FAM168A: variants seen among roughly 807,000 people sequenced by gnomAD.
The protein encoded by FAM168A is protein FAM168A.
FAM168A carries 3 observed loss-of-function variants against 28.5 expected under a neutral mutation model. The ratio of observed to expected loss-of-function variants is 0.11; its 90% CI spans 0.05 to 0.27. The LOEUF is 0.27. Among genes scored for constraint, FAM168A ranks in the 10% least tolerant of loss-of-function variants. FAM168A has a pLI of 1.00. For missense variants in FAM168A, 222 were observed against 311.5 expected (o/e 0.71, Z 2.16); for synonymous variants, 122 against 124.2 (o/e 0.98, Z 0.12).
intron 1 of FAM168A, among the ~76,000 whole-genome samples, chr11:73,492,682 C>A (rs1762088410): frequency 6.6e-6 from 1 of 151,736 alleles, no homozygotes; most frequent in Non-Finnish European, 1.5e-5. Context: ...ATACTCTGCT[C>A]TGGATTATTC....
chr11:73,457,224 AT>A (rs113172303), intron 2 of FAM168A, among the ~76,000 whole-genome samples: 63 of 147,198 alleles, frequency 4.3e-4, no homozygotes, highest in East Asian at 3.2e-3. Context: ...CCCTTCTTTA[AT>A]TTTTTTTTTT....
At chr11:73,496,309 G>A (rs907403669) in intron 1 of FAM168A, among the ~76,000 whole-genome samples, 1 of 152,204 alleles carries the variant, frequency 6.6e-6, no homozygotes, top group Non-Finnish European at 1.5e-5. Flanking sequence ...TTACCAAGGT[G>A]GAAGGTGAAA....
rs1057505030 is a variant in FAM168A at position 73,523,239 on chromosome 11, C to A, written c.-18-54747G>T. Among the ~76,000 whole-genome samples the A allele has an allele frequency of 3.9e-5, 6 of 152,164 alleles. No individual in the cohort carries two copies. In the East Asian group the frequency reaches 1.2e-3, roughly 29 times the overall value. ...AAAAACCTTTGGTCCCCTAATTCTA[C>A]AGGCCTTATTTCCATGTATGGTAAT... is the stretch of plus-strand genomic sequence containing the variant. On this transcript the variant is annotated intron_variant, in intron 1 of 7. Coordinates refer to ENST00000356467, the MANE Select transcript of FAM168A (RefSeq NM_015159.3).
At chr11:73,441,807 G>A (rs917437581) in intron 2 of FAM168A, among the ~76,000 whole-genome samples, 1 of 152,048 alleles carries the variant, frequency 6.6e-6, no homozygotes, top group African/African-American at 2.4e-5. Flanking sequence ...AATTGTTCAC[G>A]GTCTTACCTC....
rs1241636537 is a variant in FAM168A at position 73,496,909 on chromosome 11, A to ACG, written c.-18-28418_-18-28417insCG. Among the ~76,000 whole-genome samples the ACG allele has an allele frequency of 9.5e-5, 14 of 147,308 alleles. No individual in the cohort carries two copies. The East Asian group carries it at 1.8e-3, about 19-fold the overall frequency. ...CACACACACACACACACACACACGCACACACACGCACACACACACACAGTT... is the reference window on the plus strand; with the variant it reads ...CACACACACACACACACACACACGCACGCACACACGCACACACACACACAGTT... On this transcript the variant is annotated intron_variant, in intron 1 of 7. Transcript: ENST00000356467.
intron 4 of FAM168A, among the ~76,000 whole-genome samples, chr11:73,416,447 C>T (rs1489075675): frequency 2.0e-5 from 3 of 152,090 alleles, no homozygotes; most frequent in Non-Finnish European, 4.4e-5. Context: ...TTGCTTTGAC[C>T]CCTAAGACTC....
At chr11:73,510,708 C>T (rs552414315) in intron 1 of FAM168A, 12 of 366,820 alleles carry the variant, frequency 3.3e-5, no homozygotes, top group African/African-American at 8.4e-5. Flanking sequence ...CTTATTACTC[C>T]GGAAAAAAAG....
chr11:73,552,134 AAAATCCTAAGAACCAAGGATTTGG>A (rs1202489355), intron 1 of FAM168A, among the ~76,000 whole-genome samples: 1 of 152,194 alleles, frequency 6.6e-6, no homozygotes, highest in East Asian at 1.9e-4. Context: ...TTGTATAAAC[AAAATCCTAAGAACCAAGGATTTGG>A]AATTGGACTA....
At chr11:73,597,375 C>T (rs1944449117) in intron 1 of FAM168A, among the ~76,000 whole-genome samples, 1 of 151,954 alleles carries the variant, frequency 6.6e-6, no homozygotes, top group African/African-American at 2.4e-5. Flanking sequence ...ACCCCCAACT[C>T]CTGCCACCTC....
intron 2 of FAM168A, among the ~76,000 whole-genome samples, chr11:73,439,212 C>T (rs1328935538): frequency 6.6e-6 from 1 of 152,176 alleles, no homozygotes; most frequent in East Asian, 1.9e-4. Context: ...CAGCCTTCCA[C>T]TGGCGAGCTG....
chr11:73,528,548 TC>T (rs2134661143), intron 1 of FAM168A, among the ~76,000 whole-genome samples: 1 of 152,344 alleles, frequency 6.6e-6, no homozygotes, highest in African/African-American at 2.4e-5. Context: ...CCTCTTACTT[TC>T]AGGAATGTCC....
At chr11:73,414,412 G>A (rs11235744) in intron 4 of FAM168A, among the ~76,000 whole-genome samples, 4,514 of 152,228 alleles carry the variant, frequency 0.03, 221 homozygotes, top group African/African-American at 0.1. Context: ...GAGAAACCTA[G>A]CAGAGCTGAA....
At chr11:73,509,407 A>G (rs887466721) in intron 1 of FAM168A, among the ~76,000 whole-genome samples, 6 of 152,198 alleles carry the variant, frequency 3.9e-5, no homozygotes, top group Non-Finnish European at 7.3e-5. Context: ...TGCTAAGTAA[A>G]TAATTCCCAT....
intron 1 of FAM168A, among the ~76,000 whole-genome samples, chr11:73,564,716 C>T (rs113963728): frequency 1.4e-5 from 2 of 140,906 alleles, no homozygotes; most frequent in African/African-American, 5.4e-5. Flanking sequence ...GCACTCCAGC[C>T]TGGGCGACAC....
At chr11:73,578,038 G>C (rs1044488991) in intron 1 of FAM168A, among the ~76,000 whole-genome samples, 3 of 152,170 alleles carry the variant, frequency 2.0e-5, no homozygotes, top group African/African-American at 7.2e-5. Flanking sequence ...AGACCACCAA[G>C]TGAAAGCTTG....
chr11:73,506,152 C>T (rs1021924710), intron 1 of FAM168A, among the ~76,000 whole-genome samples: 4 of 152,078 alleles, frequency 2.6e-5, no homozygotes, highest in African/African-American at 9.7e-5. Flanking sequence ...AACCAACAAG[C>T]CTCAAATACC....
At chr11:73,502,480 T>A (rs1225243261) in intron 1 of FAM168A, among the ~76,000 whole-genome samples, 1 of 151,958 alleles carries the variant, frequency 6.6e-6, no homozygotes, top group Admixed American at 6.6e-5. Flanking sequence ...TGATAAGAAG[T>A]CTGAAATTGA....
chr11:73,518,443 T>A (rs946375027), intron 1 of FAM168A, among the ~76,000 whole-genome samples: 7 of 151,890 alleles, frequency 4.6e-5, no homozygotes, highest in African/African-American at 1.5e-4. Flanking sequence ...AAATATTTTT[T>A]AAAAAGAAAT....
intron 2 of FAM168A, among the ~76,000 whole-genome samples, chr11:73,450,846 A>C (rs1867414497): frequency 6.6e-6 from 1 of 152,236 alleles, no homozygotes; most frequent in Admixed American, 6.5e-5. Flanking sequence ...TAGAAGTTCC[A>C]GACAATATAC....
Sources: gnomAD v4.1 joint callset for allele counts (sites outside exome capture counted in the v4.1 genomes callset) on GRCh38, gnomAD v4.1.1 for gene constraint, MANE v1.5 for transcripts, NCBI Gene and HGNC (gene_info 2026-07-23, HGNC 2026-07-21) for gene names.